Variants in RHBDF2 observed in about 807,000 individuals in gnomAD.
RHBDF2 encodes the protein inactive rhomboid protein 2.
Under a neutral mutation model 95.2 loss-of-function variants are expected in RHBDF2, and 38 were observed. That is an observed-to-expected ratio of 0.40 (90% CI 0.31 to 0.52). The LOEUF is 0.52. Ranked by LOEUF, RHBDF2 falls within the 20% of genes least tolerant of loss-of-function variation. RHBDF2 has a pLI of 0.56. For missense variants in RHBDF2, 863 were observed against 1,137.7 expected (o/e 0.76, Z 3.47); for synonymous variants, 442 against 462.0 (o/e 0.96, Z 0.55).
At chr17:76,493,434 G>A (rs376766067) in intron 1 of RHBDF2, among the ~76,000 whole-genome samples, 2 of 152,220 alleles carry the variant, frequency 1.3e-5, no homozygotes, top group African/African-American at 2.4e-5. Flanking sequence ...AGCCAGTGAC[G>A]CTGCCCTGGC....
chr17:76,498,829 T>TGTGTGTGA (rs2074501505), intron 1 of RHBDF2, among the ~76,000 whole-genome samples: 1 of 133,096 alleles, frequency 7.5e-6, no homozygotes, highest in Non-Finnish European at 1.7e-5. Context: ...TGTGTGAGTC[T>TGTGTGTGA]GTGTGTGTCT....
intron 2 of RHBDF2, among the ~76,000 whole-genome samples, chr17:76,486,718 T>TATAAATAAATAAATAAATAAATAAATAA (rs374104312): frequency 0.14 from 19,850 of 145,834 alleles, 1,482 homozygotes; most frequent in African/African-American, 0.16. Context: ...TGTCTCAAAA[T>TATAAATAAATAAATAAATAAATAAATAA]ATAAATAAAT....
intron 2 of RHBDF2, among the ~76,000 whole-genome samples, chr17:76,484,438 C>T (rs914636646): frequency 2.6e-5 from 4 of 151,934 alleles, no homozygotes; most frequent in African/African-American, 7.3e-5. Flanking sequence ...GTGGCATGCA[C>T]GGGTCGGCGA....
intron 12 of RHBDF2, 56 bp downstream of exon 12, chr17:76,474,317 T>C: frequency 6.3e-7 from 1 of 1,582,530 alleles, no homozygotes; most frequent in Non-Finnish European, 8.6e-7. Flanking sequence ...ACAGGGCAAG[T>C]GGAGCTAGTC....
At position 76,474,067 on chromosome 17, in the gene RHBDF2, G is replaced by A. The variant is rs916755438; in HGVS notation, c.1540C>T (p.Arg514Trp). The A allele has an allele frequency of 5.6e-6, 9 of 1,612,866 alleles. No individual in the cohort carries two copies. The highest frequency in any genetic ancestry group is 5.5e-5 in the South Asian group (5 of 91,046). The change falls in exon 13 of 19, where the codon CGG (arginine) becomes TGG (tryptophan). Residue 514 changes from arginine to tryptophan, a missense_variant. Arg to Trp is a moderately radical substitution (Grantham distance 101). Around this residue, in one of 2 missense-constraint regions of RHBDF2, gnomAD observed 611 missense variants for 725.5 expected, o/e 0.84. Transcript: ENST00000675367. ...PMDKSDLGQK[R>W]TSGAVCHQDP... ...TGGTGGCAGACAGCCCCCGAAGTCC[G>A]CTTCTGGCCCAGATCAGACTTGTCC...
chr17:76,474,874 C>G lies in RHBDF2; in HGVS notation c.1228-70G>C. The G allele has an allele frequency of 2.5e-6, 4 of 1,577,816 alleles. No homozygotes were observed. The South Asian group carries it at 4.6e-5, about 18-fold the overall frequency. ...CCCTGGGCATGGGGAGCTGGGGCAG[C>G]TGTCCCCAGGATAGAGCCTCCAGGA... On this transcript the variant is annotated intron_variant, in intron 10 of 18. Coordinates refer to ENST00000675367, the MANE Select transcript of RHBDF2 (RefSeq NM_001005498.4).
rs765168441 is a variant in RHBDF2 at position 76,474,502 on chromosome 17, T to C, written c.1335A>G (p.Ser445=). The part of the protein sequence containing the change: ...IDLIHLGAKF[S]PCIRKDGQIE... ...TCTGCCCGTCCTTCCGGATGCAGGG[T>C]GAGAACTTGGCCCCCAGGTGGATCA... The change falls in exon 12 of 19, where the codon TCA becomes TCG. Residue 445 remains serine (S), a synonymous_variant. Transcript: ENST00000675367. 1.5e-5 allele frequency: 24 copies of C among 1,613,782 alleles called. No homozygotes were observed. Among genetic ancestry groups the C allele is most frequent in the Non-Finnish European group, 1.9e-5 (23 of 1,179,924 alleles).
At chr17:76,474,572 GC>G in intron 11 of RHBDF2, 38 bp from the exon 12 acceptor site, 6 of 1,612,472 alleles carry the variant, frequency 3.7e-6, no homozygotes, top group Non-Finnish European at 5.1e-6. Flanking sequence ...GTGAGTTTGA[GC>G]CCCAGACCTG....
intron 1 of RHBDF2, among the ~76,000 whole-genome samples, chr17:76,491,527 G>A (rs1192087622): frequency 1.3e-5 from 2 of 152,202 alleles, no homozygotes; most frequent in East Asian, 1.9e-4. Context: ...GCCTGGCATC[G>A]GGAGTGCCAT....
Position 76,477,002 on chromosome 17 carries a change from C to G in RHBDF2, c.943G>C (p.Val315Leu), listed in dbSNP as rs1289697663. ...CGCTTGCCGCGCCGGGGCCCGGGGACTGGGGCTCGGCCATACTCCTTCCTG... is the reference window on the plus strand; with the variant it reads ...CGCTTGCCGCGCCGGGGCCCGGGGAGTGGGGCTCGGCCATACTCCTTCCTG... ...IPLKEYGRAPVPGPRRGKRIA... is the reference protein window; with the variant it reads ...IPLKEYGRAPLPGPRRGKRIA... Residue 315 changes from valine to leucine, a missense_variant, in exon 9 of 19, where the codon GTC becomes CTC. Coordinates refer to ENST00000675367, the MANE Select transcript of RHBDF2 (RefSeq NM_001005498.4). 1 of 1,613,706 alleles carries G rather than the reference C, an allele frequency of 6.2e-7. No homozygotes were observed. The highest frequency in any genetic ancestry group is 1.3e-5 in the African/African-American group (1 of 74,958).
chr17:76,486,126 T>G (rs1021071695), intron 2 of RHBDF2, among the ~76,000 whole-genome samples: 1 of 150,212 alleles, frequency 6.7e-6, no homozygotes, highest in Non-Finnish European at 1.5e-5. Context: ...ATATAGTTTT[T>G]GAGACAGAGT....
In RHBDF2 at chr17:76,479,026, C is replaced by A. The variant is rs373495992; in HGVS notation, c.469-17G>T. 34 of 1,607,224 alleles carry A rather than the reference C, an allele frequency of 2.1e-5. No homozygotes were observed. Among genetic ancestry groups the A allele is most frequent in the Non-Finnish European group, 2.8e-5 (33 of 1,176,088 alleles). On this transcript the variant is annotated splice_polypyrimidine_tract_variant and intron_variant, in intron 5 of 18. Coordinates refer to ENST00000675367, the MANE Select transcript of RHBDF2 (RefSeq NM_001005498.4). Reference sequence around the variant, plus strand: ...ATCCACAATCTGGAAGGGAGGGGGGCGGTAAGCAGAGCCATTAGGGTCCCC... The same window carrying A: ...ATCCACAATCTGGAAGGGAGGGGGGAGGTAAGCAGAGCCATTAGGGTCCCC...
rs758730884 is a variant in RHBDF2 at position 76,473,992 on chromosome 17, T to A, written c.1574+41A>T. The stretch of plus-strand genomic sequence containing the variant: ...CTGTGGGTGGCTCAGATGGCATGGC[T>A]ATGCCTGACCCTGAGGCCCAGCAGA... On this transcript the variant is annotated intron_variant, in intron 13 of 18. Transcript: ENST00000675367. 2.5e-6 allele frequency: 4 copies of A among 1,601,970 alleles called. No individual in the cohort carries two copies. The South Asian group carries it at 3.3e-5, about 13-fold the overall frequency.
chr17:76,492,534 G>A (rs2074328862), intron 1 of RHBDF2, among the ~76,000 whole-genome samples: 1 of 152,166 alleles, frequency 6.6e-6, no homozygotes, highest in Non-Finnish European at 1.5e-5. Context: ...TCCAGGCAGG[G>A]TACAAGGGTC....
At chr17:76,484,221 C>T (rs2074054831) in intron 2 of RHBDF2, among the ~76,000 whole-genome samples, 1 of 152,072 alleles carries the variant, frequency 6.6e-6, no homozygotes, top group Non-Finnish European at 1.5e-5. Context: ...CGAGATTGCA[C>T]CATTGCACTC....
Position 76,481,498 on chromosome 17 carries a change from CCCG to C in RHBDF2, c.24_26del (p.Gly9del), listed in dbSNP as rs1485407780. ...GGCTGCTGGACACAGAGGACACGCT[CCCG>C]CCATTCTTGTCAGCAGAGGCCATTG... On this transcript the variant is annotated inframe_deletion, in exon 3 of 19. Transcript: ENST00000675367. The C allele has an allele frequency of 6.2e-7, 1 of 1,610,738 alleles. No homozygotes were observed. The highest frequency in any genetic ancestry group is 1.7e-4 in the Middle Eastern group (1 of 5,948).
At chr17:76,486,575 A>G (rs2074134778) in intron 2 of RHBDF2, among the ~76,000 whole-genome samples, 1 of 152,022 alleles carries the variant, frequency 6.6e-6, no homozygotes, top group African/African-American at 2.4e-5. Context: ...TTAGCCAGAT[A>G]TGGTGGTGCG....
At chr17:76,476,798 G>T (rs1282777327) in intron 9 of RHBDF2, 32 bp downstream of exon 9, 2 of 1,553,292 alleles carry the variant, frequency 1.3e-6, no homozygotes, top group South Asian at 2.3e-5. Flanking sequence ...AACCTTCCAG[G>T]CTCTCCTGGG....
intron 9 of RHBDF2, 148 bp downstream of exon 9, chr17:76,476,682 G>C: frequency 8.2e-7 from 1 of 1,221,992 alleles, no homozygotes; most frequent in African/African-American, 1.5e-5. Flanking sequence ...CTTGGGACAG[G>C]GTGCGCCTTC....
Sources: allele counts gnomAD v4.1 joint callset (sites outside exome capture counted in the v4.1 genomes callset), GRCh38; gene constraint gnomAD v4.1.1; regional missense constraint gnomAD v4.1.1; transcripts MANE v1.5; gene names NCBI Gene and HGNC (gene_info 2026-07-23, HGNC 2026-07-21).